The following STXBP5L variants were observed in gnomAD, a reference collection of about 807,000 sequenced individuals.
STXBP5L encodes the protein syntaxin-binding protein 5-like.
STXBP5L carries 65 observed loss-of-function variants against 144.5 expected under a neutral mutation model. The ratio of observed to expected loss-of-function variants is 0.45; its 90% confidence interval spans 0.37 to 0.55. The LOEUF is 0.55. Among genes scored for constraint, STXBP5L ranks in the 20% least tolerant of loss-of-function variants. The probability of loss-of-function intolerance (pLI) is 0.00; values close to 1 mark genes in which losing one functional copy is unlikely to be tolerated. For synonymous variants in STXBP5L, 505 were observed against 469.6 expected, an observed-to-expected ratio of 1.08 and a Z score of -0.97; for missense variants, 1,298 against 1,405.5, an observed-to-expected ratio of 0.92 and a Z score of 1.22.
intron 3 of STXBP5L, among the ~76,000 whole-genome samples, chr3:120,962,446 T>C (rs1023596387): frequency 6.6e-6 from 1 of 152,214 alleles, no homozygotes; most frequent in Admixed American, 6.5e-5. Context: ...CTTGAATTAA[T>C]TTTTGTGTAA....
At position 121,341,919 on chromosome 3, in the gene STXBP5L, G is replaced by C. The variant is rs148960571; in HGVS notation, c.2176+23379G>C. Among the ~76,000 whole-genome samples the C allele has an allele frequency of 4.5e-3, 691 of 151,982 alleles. 4 individuals are homozygous for C. Among genetic ancestry groups the C allele is most frequent in the African/African-American group, 0.016 (659 of 41,510 alleles). Reference sequence around the variant, plus strand: ...AAAATAGAAAAAATGAATAAGACTAGTATTTCCTAGCACAACATGACTACA... The same window carrying C: ...AAAATAGAAAAAATGAATAAGACTACTATTTCCTAGCACAACATGACTACA... On this transcript the variant is annotated intron_variant, in intron 20 of 26. Coordinates refer to ENST00000471454, the MANE Select transcript of STXBP5L (RefSeq NM_001308330.2).
intron 20 of STXBP5L, among the ~76,000 whole-genome samples, chr3:121,352,397 A>T: frequency 6.6e-6 from 1 of 152,100 alleles, no homozygotes; most frequent in East Asian, 1.9e-4. Flanking sequence ...GAGGTCCTTC[A>T]CATCCCTTGT....
At chr3:121,376,610 G>A (rs762325571) in intron 20 of STXBP5L, among the ~76,000 whole-genome samples, 3 of 152,160 alleles carry the variant, frequency 2.0e-5, no homozygotes, top group Admixed American at 2.0e-4. Context: ...TTTGGTGCCA[G>A]TATCATGCTG....
chr3:121,160,226 T>C (rs1411881320), intron 9 of STXBP5L, among the ~76,000 whole-genome samples: 2 of 152,168 alleles, frequency 1.3e-5, no homozygotes, highest in African/African-American at 2.4e-5. Context: ...AATATGATTA[T>C]AGAAGTGCAC....
chr3:120,909,551 TCC>T lies in STXBP5L; in HGVS notation c.-8-19_-8-18del, dbSNP rs1221200406. On this transcript the variant is annotated intron_variant, in intron 1 of 26. Transcript: ENST00000471454. ...GTTAAGTCACCTCTTTCCCTTTTTT[TCC>T]TTTGTATTTCTCAACAGTGTTTAAA... 1 of 1,602,922 alleles carries T rather than the reference TCC, an allele frequency of 6.2e-7. No individual in the cohort carries two copies. The highest frequency in any genetic ancestry group is 1.1e-5 in the South Asian group (1 of 89,152).
At chr3:120,977,805 G>A (rs549069871) in intron 3 of STXBP5L, among the ~76,000 whole-genome samples, 11 of 152,238 alleles carry the variant, frequency 7.2e-5, no homozygotes, top group African/African-American at 2.6e-4. Context: ...CATTTATGAA[G>A]CTTAGTTTGG....
At chr3:121,260,717 T>G (rs1207397050) in intron 18 of STXBP5L, among the ~76,000 whole-genome samples, 1 of 152,170 alleles carries the variant, frequency 6.6e-6, no homozygotes, top group African/African-American at 2.4e-5. Flanking sequence ...TTACCTTATA[T>G]ATTTCACTTT....
In STXBP5L at chr3:120,949,207, T is replaced by C. The variant is rs376941779; in HGVS notation, c.190-5733T>C. On this transcript the variant is annotated intron_variant, in intron 2 of 26. Coordinates refer to ENST00000471454, the MANE Select transcript of STXBP5L (RefSeq NM_001308330.2). ...TTGTTGACCATTTGTGTATCTTCTT[T>C]TGAGAATTGTCTATTCATGTCCTTT... Among the ~76,000 whole-genome samples the C allele has an allele frequency of 5.3e-5, 8 of 152,180 alleles. 1 individual carries two copies. The highest frequency in any genetic ancestry group is 1.7e-4 in the African/African-American group (7 of 41,572).
chr3:121,081,504 C>T (rs1314976187), intron 5 of STXBP5L, among the ~76,000 whole-genome samples: 3 of 152,116 alleles, frequency 2.0e-5, no homozygotes, highest in Non-Finnish European at 2.9e-5. Context: ...CTGGTTTTCC[C>T]AGATGCTGGT....
At chr3:121,350,707 A>G (rs1428102891) in intron 20 of STXBP5L, among the ~76,000 whole-genome samples, 2 of 151,818 alleles carry the variant, frequency 1.3e-5, no homozygotes, top group African/African-American at 4.8e-5. Flanking sequence ...CATTTCATTC[A>G]TTTGATCTTC....
chr3:120,939,038 C>A (rs1368872612), intron 2 of STXBP5L, among the ~76,000 whole-genome samples: 1 of 152,158 alleles, frequency 6.6e-6, no homozygotes, highest in African/African-American at 2.4e-5. Context: ...CCACCTTGGC[C>A]TCCCATAGTG....
intron 11 of STXBP5L, among the ~76,000 whole-genome samples, chr3:121,231,053 G>A (rs1320348762): frequency 1.3e-5 from 2 of 152,066 alleles, no homozygotes; most frequent in African/African-American, 4.8e-5. Context: ...GTATCTGGTG[G>A]GCTGATTAAT....
intron 3 of STXBP5L, among the ~76,000 whole-genome samples, chr3:120,985,318 A>G (rs1052709672): frequency 6.6e-6 from 1 of 152,052 alleles, no homozygotes; most frequent in Non-Finnish European, 1.5e-5. Flanking sequence ...TCTTTTGTAT[A>G]TAGTTATGGG....
intron 5 of STXBP5L, among the ~76,000 whole-genome samples, chr3:121,083,667 A>G (rs1348275773): frequency 1.4e-5 from 1 of 72,112 alleles, no homozygotes; most frequent in Non-Finnish European, 2.9e-5. Context: ...TGTCTCAAGA[A>G]AAAAAAAAAA....
chr3:120,932,187 TAAG>T (rs1165532854), intron 2 of STXBP5L, among the ~76,000 whole-genome samples: 1 of 152,194 alleles, frequency 6.6e-6, no homozygotes, highest in Non-Finnish European at 1.5e-5. Flanking sequence ...CCACCCATAA[TAAG>T]TAGTCCATTG....
chr3:121,407,170 T>A (rs1014518940), intron 22 of STXBP5L, 73 bp from the exon 23 acceptor site: 1 of 1,494,202 alleles, frequency 6.7e-7, no homozygotes, highest in South Asian at 1.4e-5. Context: ...ATTATCACAA[T>A]GTAAAACTTT....
chr3:121,191,195 C>G (rs1795388), intron 9 of STXBP5L, among the ~76,000 whole-genome samples: 152,208 of 152,248 alleles, frequency 1, 76,084 homozygotes, highest in Non-Finnish European at 1. Flanking sequence ...AGGCGGCTGG[C>G]AGGTGGAGGT....
At chr3:121,335,857 C>A (rs181529144) in intron 20 of STXBP5L, among the ~76,000 whole-genome samples, 1 of 151,922 alleles carries the variant, frequency 6.6e-6, no homozygotes, top group Non-Finnish European at 1.5e-5. Flanking sequence ...ACATAGAAAC[C>A]GGCAAAGATT....
chr3:121,093,060 A>G (rs1193805206), intron 5 of STXBP5L, among the ~76,000 whole-genome samples: 2 of 152,184 alleles, frequency 1.3e-5, no homozygotes, highest in Admixed American at 6.5e-5. Context: ...TTCTGTTTAT[A>G]TGCTGGATTA....
Sources: gnomAD v4.1 joint callset for allele counts (sites outside exome capture counted in the v4.1 genomes callset) on GRCh38, gnomAD v4.1.1 for gene constraint, MANE v1.5 for transcripts, NCBI Gene and HGNC (gene_info 2026-07-23, HGNC 2026-07-21) for gene names.